The following PICK1 variants were observed in gnomAD, a reference collection of about 807,000 sequenced individuals.
PICK1 encodes protein interacting with PRKCA 1, also known as PRKCA-binding protein.
PICK1 carries 23 observed loss-of-function variants against 48.9 expected under a neutral mutation model. That is an observed-to-expected ratio of 0.47 (90% CI 0.34 to 0.67). The LOEUF (loss-of-function observed/expected upper bound fraction) is 0.67, where lower values mean the gene tolerates loss of function less well. Among genes scored for constraint, PICK1 ranks in the 30% least tolerant of loss-of-function variants. The pLI, the probability that PICK1 is intolerant of heterozygous loss-of-function variation, is 0.01. For synonymous variants in PICK1, 217 were observed against 228.2 expected (o/e 0.95, Z 0.44); for missense variants, 423 against 557.1 (o/e 0.76, Z 2.42).
chr22:38,071,895 G>T, intron 8 of PICK1, 151 bp downstream of exon 8: 2 of 722,212 alleles, frequency 2.8e-6, no homozygotes, highest in Admixed American at 2.0e-5. Context: ...CGATGGGCCT[G>T]CGGGGAACAT....
intron 4 of PICK1, among the ~76,000 whole-genome samples, chr22:38,067,307 C>CTTTTT (rs33993578): frequency 1.1e-4 from 12 of 110,666 alleles, no homozygotes; most frequent in African/African-American, 2.5e-4. Flanking sequence ...GCTTAGGATT[C>CTTTTT]TTTTTTTTTT....
At chr22:38,072,739 G>C in intron 9 of PICK1, 129 bp downstream of exon 9, 1 of 1,347,676 alleles carries the variant, frequency 7.4e-7, no homozygotes, top group Non-Finnish European at 1.1e-6. Context: ...CCCACACAGT[G>C]GACTGTGGGT....
intron 3 of PICK1, among the ~76,000 whole-genome samples, chr22:38,063,957 G>C (rs902775782): frequency 2.0e-4 from 30 of 152,104 alleles, no homozygotes; most frequent in Admixed American, 2.0e-3. Context: ...AGAAATTACT[G>C]TAAACTCCAA....
intron 3 of PICK1, 40 bp from the exon 4 acceptor site, chr22:38,064,962 C>G (rs2085489544): frequency 6.2e-7 from 1 of 1,612,216 alleles, no homozygotes; most frequent in African/African-American, 1.3e-5. Context: ...CATCTTAGCC[C>G]TCCCTTTCTT....
chr22:38,067,307 C>CTTTTTT (rs33993578), intron 4 of PICK1, among the ~76,000 whole-genome samples: 2 of 110,646 alleles, frequency 1.8e-5, no homozygotes, highest in Admixed American at 9.4e-5. Context: ...GCTTAGGATT[C>CTTTTTT]TTTTTTTTTT....
rs200682835 is a variant in PICK1, at chr22:38,074,902, A to T, written c.1018A>T (p.Thr340Ser). The change falls in exon 13 of 13, where the codon ACC (threonine) becomes TCC (serine). Residue 340 changes from threonine to serine, a missense_variant. Thr to Ser is a moderately conservative substitution (Grantham distance 58). This residue lies in a region of PICK1 where 144 missense variants were observed against 139.3 expected (regional missense o/e 1.03). Transcript: ENST00000356976. This position sits in a 1 kb window ranked among gnomAD's most constrained non-coding sequence, Gnocchi z 4.5. ...IVFQLQRLVS[T>S]MSKYYNDCYA... Reference sequence around the variant, plus strand: ...GTTCCAGCTGCAGCGCCTCGTGTCCACCATGTCCAAGTACTACAACGACTG... The same window carrying T: ...GTTCCAGCTGCAGCGCCTCGTGTCCTCCATGTCCAAGTACTACAACGACTG... The T allele has an allele frequency of 3.6e-4, 585 of 1,613,374 alleles. 4 individuals are homozygous for T. The highest frequency in any genetic ancestry group is 1.8e-5 in the Non-Finnish European group (21 of 1,180,012).
chr22:38,075,335 G>GCCCCTCCACCCTCCCT lies in PICK1; in HGVS notation c.*211_*226dup. The GCCCCTCCACCCTCCCT allele has an allele frequency of 1.7e-6, 1 of 576,972 alleles. No homozygotes were observed. The highest frequency in any genetic ancestry group is 3.0e-6 in the Non-Finnish European group (1 of 328,890). The allele number at this position is 576,972 out of a possible 1,614,324, so 35.7% of individuals were successfully genotyped here. A position where few individuals can be genotyped will look rare whatever the true frequency, so the allele number is the denominator to read the frequency against. ...GTCATGGCCTGGGACCTGGACACTG[G>GCCCCTCCACCCTCCCT]CCCCTCCACCCTCCCTCCCCTCCCG... On this transcript the variant is annotated 3_prime_UTR_variant, in exon 13 of 13. Coordinates refer to ENST00000356976, the MANE Select transcript of PICK1 (RefSeq NM_012407.4).
intron 4 of PICK1, among the ~76,000 whole-genome samples, chr22:38,067,301 A>G (rs1160534426): frequency 7.2e-6 from 1 of 138,240 alleles, no homozygotes; most frequent in Non-Finnish European, 1.5e-5. Flanking sequence ...ACTGGGGCTT[A>G]GGATTCTTTT....
chr22:38,061,732 G>C (rs1040569962), intron 3 of PICK1, among the ~76,000 whole-genome samples: 1 of 152,082 alleles, frequency 6.6e-6, no homozygotes, highest in African/African-American at 2.4e-5. Flanking sequence ...TGTTGCCCAG[G>C]CTTGTCTCAA....
At chr22:38,058,529 C>A (rs941035432) in intron 2 of PICK1, among the ~76,000 whole-genome samples, 4 of 152,084 alleles carry the variant, frequency 2.6e-5, no homozygotes, top group African/African-American at 4.8e-5. Context: ...AAGGACAGAA[C>A]CTGGCTCAAA....
intron 7 of PICK1, among the ~76,000 whole-genome samples, chr22:38,071,427 T>C (rs867425583): frequency 3.9e-5 from 6 of 152,208 alleles, no homozygotes; most frequent in African/African-American, 1.4e-4. Context: ...TCCCACACTG[T>C]CCCAGGGCTA....
In PICK1 at chr22:38,075,623, T is replaced by G; in HGVS notation, c.*491T>G. ...ACCTCGGCGGCCTTTATTTATTCTG[T>G]TCCCCCAGCTCGGCCACTTCTCTGA... On this transcript the variant is annotated 3_prime_UTR_variant, in exon 13 of 13. Coordinates refer to ENST00000356976, the MANE Select transcript of PICK1 (RefSeq NM_012407.4). 6.3e-6 allele frequency: 1 copy of G among 157,778 alleles called. No individual in the cohort carries two copies. The highest frequency in any genetic ancestry group is 1.4e-5 in the Non-Finnish European group (1 of 71,324). The allele number at this position is 157,778 out of a possible 1,614,324, so 9.8% of individuals were successfully genotyped here. A position where few individuals can be genotyped will look rare whatever the true frequency, so the allele number is the denominator to read the frequency against.
Position 38,074,805 on chromosome 22 carries a change from C to T in PICK1, c.980-59C>T. On this transcript the variant is annotated intron_variant, in intron 12 of 12. Coordinates refer to ENST00000356976, the MANE Select transcript of PICK1 (RefSeq NM_012407.4). This position sits in a 1 kb window ranked among gnomAD's most constrained non-coding sequence, Gnocchi z 4.5. ...TGGGCCGGGTGGGCTGGGAGAGTCT[C>T]CTCCCTGAGGCAGGCAGCCAGAGCC... is the stretch of plus-strand genomic sequence containing the variant. The T allele has an allele frequency of 6.3e-7, 1 of 1,595,568 alleles. No homozygotes were observed. Among genetic ancestry groups the T allele is most frequent in the Non-Finnish European group, 8.5e-7 (1 of 1,175,678 alleles).
chr22:38,057,269 C>T (rs117520718), upstream of PICK1: 585 of 177,222 alleles, frequency 3.3e-3, 3 homozygotes, highest in Non-Finnish European at 5.5e-3. Context: ...TAACAGCGAG[C>T]TTCCGCCAAT....
chr22:38,074,913 G>A lies in PICK1; in HGVS notation c.1029G>A (p.Lys343=), dbSNP rs1170149232. 1 of 1,613,566 alleles carries A rather than the reference G, an allele frequency of 6.2e-7. No individual in the cohort carries two copies. Among genetic ancestry groups the A allele is most frequent in the Admixed American group, 1.7e-5 (1 of 60,030 alleles). ...QLQRLVSTMS[K]YYNDCYAVLR... ...AGCGCCTCGTGTCCACCATGTCCAA[G>A]TACTACAACGACTGCTACGCAGTGC... Residue 343 remains lysine (K), a synonymous_variant, in exon 13 of 13, where the codon AAG becomes AAA. Transcript: ENST00000356976. The surrounding 1 kb of genome is among the most constrained non-coding windows in gnomAD (Gnocchi z 4.5).
chr22:38,075,076 G>T lies in PICK1; in HGVS notation c.1192G>T (p.Asp398Tyr). The change falls in exon 13 of 13, where the codon GAT becomes TAT. Residue 398 changes from aspartate (D) to tyrosine (Y), a missense_variant. Asp to Tyr is a radical substitution (Grantham distance 160). Coordinates refer to ENST00000356976, the MANE Select transcript of PICK1 (RefSeq NM_012407.4). The stretch of plus-strand genomic sequence containing the variant: ...CACGGCAGCTGGGGAGCCGTCCAGG[G>T]ATACACGAGGGGCTGCTGGGCCCTT... ...EDTAAGEPSR[D>Y]TRGAAGPLDK... The T allele has an allele frequency of 4.3e-6, 7 of 1,612,928 alleles. No individual in the cohort carries two copies. Among genetic ancestry groups the T allele is most frequent in the Non-Finnish European group, 5.9e-6 (7 of 1,179,988 alleles).
In PICK1 at chr22:38,075,185, G is replaced by A. The variant is rs879330971; in HGVS notation, c.*53G>A. 1.3e-6 allele frequency: 2 copies of A among 1,560,112 alleles called. No individual in the cohort carries two copies. Among genetic ancestry groups the A allele is most frequent in the South Asian group, 1.2e-5 (1 of 85,878 alleles). On this transcript the variant is annotated 3_prime_UTR_variant, in exon 13 of 13. Transcript: ENST00000356976. ...AGGGTGCGTGGGAGGACGGAGCCTG[G>A]GAGCGGGGCGGGGCCGCCGCGCAAG...
intron 4 of PICK1, 119 bp from the exon 5 acceptor site, chr22:38,067,585 A>G (rs1469239454): frequency 6.1e-6 from 5 of 825,600 alleles, no homozygotes; most frequent in Non-Finnish European, 1.0e-5. Context: ...TTGGGATTAC[A>G]GGTGTGAGCC....
chr22:38,075,345 C>T lies in PICK1; in HGVS notation c.*213C>T, dbSNP rs995907681. The T allele has an allele frequency of 1.3e-5, 7 of 554,818 alleles. No individual in the cohort carries two copies. Among genetic ancestry groups the T allele is most frequent in the African/African-American group, 9.4e-5 (5 of 53,082 alleles). The allele number at this position is 554,818 out of a possible 1,614,324, so 34.4% of individuals were successfully genotyped here. ...GGGACCTGGACACTGGCCCCTCCAC[C>T]CTCCCTCCCCTCCCGGCTCCCCGGC... On this transcript the variant is annotated 3_prime_UTR_variant, in exon 13 of 13. Transcript: ENST00000356976.
Sources: gnomAD v4.1 joint callset for allele counts (sites outside exome capture counted in the v4.1 genomes callset) on GRCh38, gnomAD v4.1.1 for gene constraint, gnomAD v4.1.1 regional missense constraint, Gnocchi (gnomAD v3.1) non-coding constraint, MANE v1.5 for transcripts, NCBI Gene and HGNC (gene_info 2026-07-23, HGNC 2026-07-21) for gene names.